SLIT3: variants seen among roughly 807,000 people sequenced by gnomAD.
The protein encoded by SLIT3 is slit homolog 3 protein.
A neutral mutation model predicts 184.0 loss-of-function variants in SLIT3; 68 were observed. That is an observed-to-expected ratio of 0.37 (90% confidence interval 0.30 to 0.45). The LOEUF (loss-of-function observed/expected upper bound fraction) is 0.45, where lower values mean the gene tolerates loss of function less well. Ranked by LOEUF, SLIT3 falls within the 20% of genes least tolerant of loss-of-function variation. The pLI, the probability that SLIT3 is intolerant of heterozygous loss-of-function variation, is 1.00. For missense variants in SLIT3, 1,707 were observed against 2,026.0 expected (o/e 0.84, Z 3.02); for synonymous variants, 831 against 828.6 (o/e 1.00, Z -0.05).
intron 4 of SLIT3, among the ~76,000 whole-genome samples, chr5:169,076,062 G>A (rs1031036568): frequency 2.6e-5 from 4 of 152,214 alleles, no homozygotes; most frequent in Non-Finnish European, 5.9e-5. Flanking sequence ...TCTGTTCTCT[G>A]TATGAGAGTG....
chr5:169,124,440 T>C (rs1761002532), intron 4 of SLIT3, among the ~76,000 whole-genome samples: 1 of 152,210 alleles, frequency 6.6e-6, no homozygotes, highest in Admixed American at 6.5e-5. Context: ...CTCCCTTTCC[T>C]CTGGGCAGAC....
intron 14 of SLIT3, among the ~76,000 whole-genome samples, chr5:168,766,180 G>A (rs1450312331): frequency 1.3e-5 from 2 of 152,154 alleles, no homozygotes; most frequent in African/African-American, 4.8e-5. Context: ...TGCTGACTGG[G>A]AGTCATAAAT....
Position 169,172,260 on chromosome 5 carries a change from A to G in SLIT3, c.413+21219T>C, listed in dbSNP as rs555172461. On this transcript the variant is annotated intron_variant, in intron 4 of 35. Transcript: ENST00000519560. ...GATCACCACTGGGTTCCCAGGAGAAATACCAGATTGTCCTCAGATACTTAT... is the reference window on the plus strand; with the variant it reads ...GATCACCACTGGGTTCCCAGGAGAAGTACCAGATTGTCCTCAGATACTTAT... Among the ~76,000 whole-genome samples, 6 of 152,320 alleles carry G rather than the reference A, an allele frequency of 3.9e-5. No individual in the cohort carries two copies. The South Asian group carries it at 1.2e-3, about 32-fold the overall frequency.
intron 4 of SLIT3, among the ~76,000 whole-genome samples, chr5:168,997,739 G>T (rs1029722275): frequency 6.6e-6 from 1 of 152,164 alleles, no homozygotes; most frequent in Non-Finnish European, 1.5e-5. Flanking sequence ...AAACAGGAGA[G>T]AAGACCTAGG....
At chr5:168,945,235 T>C (rs1370041229) in intron 4 of SLIT3, among the ~76,000 whole-genome samples, 1 of 145,302 alleles carries the variant, frequency 6.9e-6, no homozygotes, top group African/African-American at 2.6e-5. Flanking sequence ...AGCTTCGTGA[T>C]TGGTATCCAC....
intron 23 of SLIT3, among the ~76,000 whole-genome samples, chr5:168,714,465 C>G (rs1488355283): frequency 2.6e-5 from 4 of 152,062 alleles, no homozygotes; most frequent in Non-Finnish European, 5.9e-5. Context: ...CGCCTGTAAT[C>G]CCAGCTACTC....
intron 14 of SLIT3, among the ~76,000 whole-genome samples, chr5:168,765,899 G>A (rs769001101): frequency 1.3e-5 from 2 of 151,970 alleles, no homozygotes; most frequent in Non-Finnish European, 2.9e-5. Context: ...CACTTGGTAC[G>A]TGATCACAGA....
chr5:169,287,286 G>A (rs895193108), intron 1 of SLIT3, among the ~76,000 whole-genome samples: 1 of 152,180 alleles, frequency 6.6e-6, no homozygotes, highest in Admixed American at 6.5e-5. Flanking sequence ...GAAATAAGCT[G>A]CAGGCTTGGT....
chr5:169,245,927 G>A (rs1260906129), intron 2 of SLIT3, among the ~76,000 whole-genome samples: 1 of 152,112 alleles, frequency 6.6e-6, no homozygotes, highest in Non-Finnish European at 1.5e-5. Flanking sequence ...CCTACTCCCA[G>A]TCCTAACACA....
intron 2 of SLIT3, among the ~76,000 whole-genome samples, chr5:169,248,827 C>A (rs750695754): frequency 6.6e-6 from 1 of 152,070 alleles, no homozygotes; most frequent in Non-Finnish European, 1.5e-5. Context: ...TACTCCCATC[C>A]CATGGGAGAA....
At chr5:169,002,345 A>AAAAAAAAAAAAAAAAAAAAAAAAAAC (rs1561600096) in intron 4 of SLIT3, among the ~76,000 whole-genome samples, 1 of 145,326 alleles carries the variant, frequency 6.9e-6, no homozygotes, top group Non-Finnish European at 1.5e-5. Context: ...AAAAAAAAAA[A>AAAAAAAAAAAAAAAAAAAAAAAAAAC]AAAAAAAAAA....
At chr5:169,091,776 G>A (rs1405606572) in intron 4 of SLIT3, among the ~76,000 whole-genome samples, 8 of 152,170 alleles carry the variant, frequency 5.3e-5, no homozygotes, top group Admixed American at 2.6e-4. Flanking sequence ...AAGCTGGACC[G>A]GCCTGATAAT....
At chr5:168,907,063 A>G (rs915897101) in intron 4 of SLIT3, among the ~76,000 whole-genome samples, 2 of 152,144 alleles carry the variant, frequency 1.3e-5, no homozygotes, top group Middle Eastern at 3.4e-3. Flanking sequence ...GTTTCACTGC[A>G]TTGCCCAGGC....
chr5:169,122,538 A>C (rs1007278965), intron 4 of SLIT3, among the ~76,000 whole-genome samples: 1 of 152,178 alleles, frequency 6.6e-6, no homozygotes, highest in Admixed American at 6.5e-5. Context: ...GCTTACAGGC[A>C]GTTCTCTCTG....
chr5:168,955,960 C>A (rs1762811792), intron 4 of SLIT3, among the ~76,000 whole-genome samples: 1 of 152,140 alleles, frequency 6.6e-6, no homozygotes, highest in Non-Finnish European at 1.5e-5. Context: ...TGGAGACCAG[C>A]CAACAAGCAT....
Position 168,724,410 on chromosome 5 carries a change from C to A in SLIT3, c.2339+6G>T. Reference sequence around the variant, plus strand: ...TAAACATCCCACCCAATACTGGGCTCCTTACATAAGCGTCAGGTGTCGGAG... The same window carrying A: ...TAAACATCCCACCCAATACTGGGCTACTTACATAAGCGTCAGGTGTCGGAG... On this transcript the variant is annotated splice_donor_region_variant and intron_variant, in intron 21 of 35. Transcript: ENST00000519560. 1.9e-6 allele frequency: 3 copies of A among 1,611,776 alleles called. No homozygotes were observed. The highest frequency in any genetic ancestry group is 2.5e-6 in the Non-Finnish European group (3 of 1,178,484).
chr5:168,935,028 C>G (rs372303420), intron 4 of SLIT3, among the ~76,000 whole-genome samples: 1 of 147,480 alleles, frequency 6.8e-6, no homozygotes, highest in East Asian at 2.0e-4. Context: ...ATCCCAGCTA[C>G]TTGGGAGGCT....
chr5:168,768,570 C>A (rs1007974631), intron 14 of SLIT3, among the ~76,000 whole-genome samples: 3 of 152,220 alleles, frequency 2.0e-5, no homozygotes, highest in Non-Finnish European at 4.4e-5. Flanking sequence ...TGAATTGAGC[C>A]TCTAAACTCC....
At chr5:168,833,394 C>T (rs561856196) in intron 6 of SLIT3, among the ~76,000 whole-genome samples, 7 of 152,270 alleles carry the variant, frequency 4.6e-5, no homozygotes, top group African/African-American at 1.4e-4. Flanking sequence ...GCTAACTGGG[C>T]TCAGCAATGG....
Sources: gnomAD v4.1 joint callset for allele counts (sites outside exome capture counted in the v4.1 genomes callset) on GRCh38, gnomAD v4.1.1 for gene constraint, MANE v1.5 for transcripts, NCBI Gene and HGNC (gene_info 2026-07-23, HGNC 2026-07-21) for gene names.